The following DYNLRB1 variants were observed in gnomAD, a reference collection of about 807,000 sequenced individuals.
DYNLRB1 encodes dynein light chain roadblock-type 1.
A neutral mutation model predicts 13.5 loss-of-function variants in DYNLRB1; 6 were observed. The observed-to-expected ratio is 0.44, with a 90% CI of 0.24 to 0.88. The LOEUF is 0.88. Among genes scored for constraint, DYNLRB1 ranks in the 40% least tolerant of loss-of-function variants. The probability of loss-of-function intolerance (pLI) is 0.21; values close to 1 mark genes in which losing one functional copy is unlikely to be tolerated. For missense variants in DYNLRB1, 93 were observed against 127.2 expected, an observed-to-expected ratio of 0.73 and a Z score of 1.29; for synonymous variants, 43 against 45.0, an observed-to-expected ratio of 0.96 and a Z score of 0.18.
chr20:34,529,946 C>G, intron 2 of DYNLRB1: 1 of 1,436,098 alleles, frequency 7.0e-7, no homozygotes, highest in Non-Finnish European at 9.2e-7. Flanking sequence ...CAACTCCTTT[C>G]CCCGCTTCAG....
chr20:34,537,125 C>T (rs933338650), intron 3 of DYNLRB1, among the ~76,000 whole-genome samples: 2 of 152,176 alleles, frequency 1.3e-5, no homozygotes, highest in African/African-American at 2.4e-5. Context: ...CTGGAGATCC[C>T]ACAACCTTGT....
chr20:34,520,887 C>T (rs1273277062), intron 1 of DYNLRB1, among the ~76,000 whole-genome samples: 1 of 152,202 alleles, frequency 6.6e-6, no homozygotes, highest in Non-Finnish European at 1.5e-5. Flanking sequence ...GGTGGAAGGA[C>T]CAGTGCTTTT....
chr20:34,532,042 G>A (rs534833977), intron 2 of DYNLRB1, among the ~76,000 whole-genome samples: 5 of 152,262 alleles, frequency 3.3e-5, no homozygotes, highest in African/African-American at 1.2e-4. Flanking sequence ...GCGGGTTCCC[G>A]GCCAGGTAGC....
intron 3 of DYNLRB1, among the ~76,000 whole-genome samples, chr20:34,537,176 G>A (rs1381497076): frequency 6.6e-6 from 1 of 152,192 alleles, no homozygotes; most frequent in Admixed American, 6.5e-5. Context: ...CACCTTGGCA[G>A]CACTGCAGGG....
chr20:34,540,480 TCCTC>T, intron 3 of DYNLRB1, 97 bp from the exon 4 acceptor site: 2 of 1,122,512 alleles, frequency 1.8e-6, no homozygotes, highest in Non-Finnish European at 2.6e-6. Flanking sequence ...TTTCTCCCCT[TCCTC>T]ATTTTATGGT....
chr20:34,516,400 G>A (rs1979166325), upstream of DYNLRB1: 2 of 1,599,592 alleles, frequency 1.3e-6, no homozygotes, highest in Non-Finnish European at 1.7e-6. Context: ...TTGCGCAGGC[G>A]CAGAAAGGCA....
chr20:34,527,510 T>G lies in DYNLRB1; in HGVS notation c.79+1167T>G, dbSNP rs145219075. Reference sequence around the variant, plus strand: ...GATTTACCTGATTGGGTTCCCCTGTTGGGTTGGGAGCATCCACATGCTTCA... The same window carrying G: ...GATTTACCTGATTGGGTTCCCCTGTGGGGTTGGGAGCATCCACATGCTTCA... On this transcript the variant is annotated intron_variant, in intron 2 of 3. Coordinates refer to ENST00000357156, the MANE Select transcript of DYNLRB1 (RefSeq NM_014183.4). 7.7e-3 allele frequency among the ~76,000 whole-genome samples: 1,180 copies of G among 152,352 alleles called. 17 individuals are homozygous for G. The highest frequency in any genetic ancestry group is 0.027 in the African/African-American group (1,115 of 41,568).
At chr20:34,523,744 C>G (rs993515993) in intron 1 of DYNLRB1, among the ~76,000 whole-genome samples, 1 of 152,164 alleles carries the variant, frequency 6.6e-6, no homozygotes, top group Non-Finnish European at 1.5e-5. Context: ...ATTTAATGTC[C>G]TTTCCCACAA....
At chr20:34,522,599 ACTAG>A (rs1979844494) in intron 1 of DYNLRB1, among the ~76,000 whole-genome samples, 1 of 146,466 alleles carries the variant, frequency 6.8e-6, no homozygotes, top group Non-Finnish European at 1.5e-5. Flanking sequence ...CAGCCTCCCA[ACTAG>A]CTGGGACTGC....
intron 3 of DYNLRB1, chr20:34,535,755 G>C (rs899785644): frequency 7.1e-6 from 7 of 985,326 alleles, no homozygotes; most frequent in Non-Finnish European, 1.2e-6. Context: ...TGAGGCTTTG[G>C]TCCAGTTTAG....
At chr20:34,526,450 T>G (rs767455528) in intron 2 of DYNLRB1, 107 bp downstream of exon 2, 158 of 1,072,842 alleles carry the variant, frequency 1.5e-4, no homozygotes, top group South Asian at 5.8e-4. Context: ...CTGATCTAAT[T>G]TTAGGCCTTT....
chr20:34,526,673 C>G, intron 2 of DYNLRB1: 1 of 316,784 alleles, frequency 3.2e-6, no homozygotes, highest in Non-Finnish European at 5.9e-6. Context: ...ACACTTCAGT[C>G]TTCCATGCTT....
At chr20:34,522,459 TTTTCTTTTTC>T (rs1182518755) in intron 1 of DYNLRB1, among the ~76,000 whole-genome samples, 4 of 132,932 alleles carry the variant, frequency 3.0e-5, no homozygotes, top group East Asian at 2.1e-4. Flanking sequence ...TTTCTTTCTT[TTTTCTTTTTC>T]TTTTTTTTTT....
intron 1 of DYNLRB1, among the ~76,000 whole-genome samples, chr20:34,521,801 G>A (rs1432601450): frequency 6.6e-6 from 1 of 152,170 alleles, no homozygotes; most frequent in African/African-American, 2.4e-5. Context: ...AGTCCCAACA[G>A]TTTGGGAGGC....
At position 34,516,470 on chromosome 20, in the gene DYNLRB1, G is replaced by C; in HGVS notation, c.3+9G>C. 2 of 1,613,280 alleles carry C rather than the reference G, an allele frequency of 1.2e-6. No individual in the cohort carries two copies. Among genetic ancestry groups the C allele is most frequent in the South Asian group, 2.2e-5 (2 of 90,992 alleles). Reference sequence around the variant, plus strand: ...CGGATCGGTCGGAAATGGTGAGCGTGCGCCGGGGTCTTGTGGCTGGCGGCC... The same window carrying C: ...CGGATCGGTCGGAAATGGTGAGCGTCCGCCGGGGTCTTGTGGCTGGCGGCC... On this transcript the variant is annotated intron_variant, in intron 1 of 3. Coordinates refer to ENST00000357156, the MANE Select transcript of DYNLRB1 (RefSeq NM_014183.4).
rs1235737624 is a variant in DYNLRB1 at position 34,534,839 on chromosome 20, C to T, written c.247+44C>T. The stretch of plus-strand genomic sequence containing the variant: ...CCCCATGTAGGAACAGACCTCATGG[C>T]ACATTCTCTGTGGCTCATCAGGAGT... On this transcript the variant is annotated intron_variant, in intron 3 of 3. Coordinates refer to ENST00000357156, the MANE Select transcript of DYNLRB1 (RefSeq NM_014183.4). 39 of 1,613,240 alleles carry T rather than the reference C, an allele frequency of 2.4e-5. No individual in the cohort carries two copies. Among genetic ancestry groups the T allele is most frequent in the Non-Finnish European group, 3.1e-5 (36 of 1,179,746 alleles).
intron 2 of DYNLRB1, among the ~76,000 whole-genome samples, chr20:34,532,839 G>A (rs1025629779): frequency 6.6e-6 from 1 of 152,152 alleles, no homozygotes; most frequent in African/African-American, 2.4e-5. Context: ...TGGTGCCCTA[G>A]GATGACAAGA....
intron 1 of DYNLRB1, among the ~76,000 whole-genome samples, chr20:34,522,463 C>CTTTTTTTTTTTTTTTTTTTTTTTTT (rs1979809197): frequency 9.9e-6 from 1 of 101,270 alleles, no homozygotes; most frequent in African/African-American, 3.8e-5. Context: ...TTTCTTTTTT[C>CTTTTTTTTTTTTTTTTTTTTTTTTT]TTTTTCTTTT....
In DYNLRB1 at chr20:34,528,800, G is replaced by A. The variant is rs187391653; in HGVS notation, c.79+2457G>A. Among the ~76,000 whole-genome samples, 35 of 151,906 alleles carry A rather than the reference G, an allele frequency of 2.3e-4. No homozygotes were observed. In the East Asian group the frequency reaches 5.6e-3, roughly 24 times the overall value. On this transcript the variant is annotated intron_variant, in intron 2 of 3. Transcript: ENST00000357156. ...AGCCTGGGCAATGTAGTGAGACCCC[G>A]AACTCCACACAAAAAAAAGAAAAAT...
Sources: gnomAD v4.1 joint callset for allele counts (sites outside exome capture counted in the v4.1 genomes callset) on GRCh38, gnomAD v4.1.1 for gene constraint, MANE v1.5 for transcripts, NCBI Gene and HGNC (gene_info 2026-07-23, HGNC 2026-07-21) for gene names.